The following CDK12 variants were observed in gnomAD, a reference collection of about 807,000 sequenced individuals.
The protein encoded by CDK12 is cyclin dependent kinase 12, also known as cyclin-dependent kinase 12.
A neutral mutation model predicts 133.8 loss-of-function variants in CDK12; 17 were observed. That is an observed-to-expected ratio of 0.13 (90% CI 0.09 to 0.19). The LOEUF (loss-of-function observed/expected upper bound fraction) is 0.19. Among genes scored for constraint, CDK12 ranks in the 10% least tolerant of loss-of-function variants. The pLI is 1.00. For missense variants in CDK12, 1,508 were observed against 1,818.7 expected (o/e 0.83, Z 3.11); for synonymous variants, 694 against 683.6 (o/e 1.02, Z -0.24).
intron 1 of CDK12, among the ~76,000 whole-genome samples, chr17:39,468,692 C>G (rs1375228231): frequency 6.6e-6 from 1 of 151,880 alleles, no homozygotes; most frequent in Non-Finnish European, 1.5e-5. Context: ...TCAGGCTGGT[C>G]TCGAACTCCC....
Position 39,532,102 on chromosome 17 carries a change from T to TTCTCTCTCTCTCTATCTCTC in CDK12, c.*799_*800insATCTCTCTCTCTCTCTCTCT, listed in dbSNP as rs1232452261. 3.0e-4 allele frequency: 66 copies of TTCTCTCTCTCTCTATCTCTC among 218,604 alleles called. No individual in the cohort carries two copies. The highest frequency in any genetic ancestry group is 1.4e-3 in the African/African-American group (53 of 38,518). The allele number at this position is 218,604 out of a possible 1,614,324, so 13.5% of individuals were successfully genotyped here. A position where few individuals can be genotyped will look rare whatever the true frequency, so the allele number is the denominator to read the frequency against. ...GCTGATGTGTGCTCTCTCTCTCTCT[T>TTCTCTCTCTCTCTATCTCTC]TCTCTCTCTCTCTCTCTCTCTCTCT... On this transcript the variant is annotated 3_prime_UTR_variant, in exon 14 of 14. Coordinates refer to ENST00000447079, the MANE Select transcript of CDK12 (RefSeq NM_016507.4).
At chr17:39,473,213 T>C (rs2049935043) in intron 2 of CDK12, among the ~76,000 whole-genome samples, 1 of 152,100 alleles carries the variant, frequency 6.6e-6, no homozygotes. Context: ...GCCGGGTTTG[T>C]TTTTTCTCTC....
Position 39,494,671 on chromosome 17 carries a change from C to T in CDK12, c.2396C>T (p.Ala799Val). The T allele has an allele frequency of 6.3e-7, 1 of 1,577,214 alleles. No homozygotes were observed. The highest frequency in any genetic ancestry group is 8.6e-7 in the Non-Finnish European group (1 of 1,161,208). Residue 799 changes from alanine (A) to valine (V), a missense_variant, in exon 5 of 14, where the codon GCA becomes GTA. Physicochemically the swap from Ala to Val is moderately conservative, Grantham distance 64. Around this residue, in one of 9 missense-constraint regions of CDK12, gnomAD observed 74 missense variants for 160.2 expected, o/e 0.46. Coordinates refer to ENST00000447079, the MANE Select transcript of CDK12 (RefSeq NM_016507.4). ...GAAATTGTCACAGATAAACAAGATG[C>T]ACTGGATTTCAAGAAGGACAAAGGT... ...MKEIVTDKQD[A>V]LDFKKDKGAF...
Position 39,526,327 on chromosome 17 carries a change from C to G in CDK12, c.3760+11C>G, listed in dbSNP as rs757424404. On this transcript the variant is annotated intron_variant, in intron 13 of 13. Coordinates refer to ENST00000447079, the MANE Select transcript of CDK12 (RefSeq NM_016507.4). ...AGGAGGAGGCAGCAGGTAAACAGAC[C>G]GGTCATGAATCTCATTGAGCTCAGG... 2.9e-5 allele frequency: 46 copies of G among 1,565,432 alleles called. No homozygotes were observed. The highest frequency in any genetic ancestry group is 1.3e-4 in the Admixed American group (7 of 52,136).
At chr17:39,525,562 C>G (rs901811405) in intron 12 of CDK12, among the ~76,000 whole-genome samples, 6 of 152,142 alleles carry the variant, frequency 3.9e-5, no homozygotes, top group African/African-American at 1.4e-4. Context: ...ATTTTTAAAT[C>G]TCTCTTAGTA....
At chr17:39,541,250 C>G (rs1354059171) in intron 1 of CDK12, among the ~76,000 whole-genome samples, 2 of 152,016 alleles carry the variant, frequency 1.3e-5, no homozygotes, top group African/African-American at 4.8e-5. Context: ...TATCATACTC[C>G]TTCCTGCCCC....
At chr17:39,463,236 GT>G in intron 1 of CDK12, 119 bp downstream of exon 1, 1 of 858,742 alleles carries the variant, frequency 1.2e-6, no homozygotes, top group South Asian at 1.7e-5. Context: ...ACACTTTGCT[GT>G]TGGCTAGTCA....
chr17:39,464,402 T>G (rs2049149477), intron 1 of CDK12, among the ~76,000 whole-genome samples: 1 of 67,654 alleles, frequency 1.5e-5, no homozygotes, highest in Non-Finnish European at 4.5e-5. Flanking sequence ...TTTTTTCTTT[T>G]TCTTTTTTTT....
upstream of CDK12, among the ~76,000 whole-genome samples, chr17:39,543,049 TGAAAA>T (rs1391898048): frequency 1.3e-5 from 2 of 152,122 alleles, no homozygotes; most frequent in Middle Eastern, 3.4e-3. Context: ...TTTGCTATAT[TGAAAA>T]GAAAAAGGGA....
intron 1 of CDK12, among the ~76,000 whole-genome samples, chr17:39,465,855 A>G (rs1303844017): frequency 6.6e-6 from 1 of 152,180 alleles, no homozygotes; most frequent in Admixed American, 6.6e-5. Context: ...TTGATAGAGT[A>G]GTTCATTAAG....
At chr17:39,528,395 G>A (rs1248814221) in intron 13 of CDK12, among the ~76,000 whole-genome samples, 1 of 151,946 alleles carries the variant, frequency 6.6e-6, no homozygotes, top group Non-Finnish European at 1.5e-5. Context: ...GTGCAGTGGC[G>A]TGATCTCAGC....
chr17:39,546,427 G>A (rs1352263425), upstream of CDK12, among the ~76,000 whole-genome samples: 2 of 151,780 alleles, frequency 1.3e-5, no homozygotes, highest in African/African-American at 4.8e-5. Flanking sequence ...CTCGTAATCC[G>A]CCTGCCTCGG....
chr17:39,486,343 C>T (rs1335377482), intron 2 of CDK12, among the ~76,000 whole-genome samples: 1 of 150,334 alleles, frequency 6.7e-6, no homozygotes, highest in Non-Finnish European at 1.5e-5. Context: ...CTCACTGCAA[C>T]CTTGGCCTCC....
intron 8 of CDK12, among the ~76,000 whole-genome samples, chr17:39,511,840 A>G (rs1031570684): frequency 4.6e-5 from 7 of 151,688 alleles, no homozygotes; most frequent in African/African-American, 1.7e-4. Flanking sequence ...TTTTTTGTTT[A>G]AACTTTGTTT....
At chr17:39,503,898 A>T (rs973746619) in intron 6 of CDK12, among the ~76,000 whole-genome samples, 3 of 152,196 alleles carry the variant, frequency 2.0e-5, no homozygotes, top group Admixed American at 6.6e-5. Flanking sequence ...TATATAGAAG[A>T]GAGACACAGT....
chr17:39,528,631 A>C (rs1216755716), intron 13 of CDK12, among the ~76,000 whole-genome samples: 1 of 152,190 alleles, frequency 6.6e-6, no homozygotes, highest in African/African-American at 2.4e-5. Context: ...CACCATGCCC[A>C]GCCTTTGCTA....
intron 2 of CDK12, among the ~76,000 whole-genome samples, chr17:39,476,560 C>T (rs543005288): frequency 4.0e-5 from 6 of 151,640 alleles, no homozygotes; most frequent in East Asian, 1.9e-4. Flanking sequence ...ATTGCAGGCA[C>T]CTGCCACCAT....
At chr17:39,518,942 C>T (rs1209308241) in intron 10 of CDK12, among the ~76,000 whole-genome samples, 1 of 152,164 alleles carries the variant, frequency 6.6e-6, no homozygotes, top group Non-Finnish European at 1.5e-5. Flanking sequence ...GCTCTTGTTG[C>T]CCAAGCCAGA....
intron 5 of CDK12, 63 bp downstream of exon 5, chr17:39,494,757 TTTTC>T (rs1397212434): frequency 1.2e-4 from 150 of 1,246,488 alleles, no homozygotes; most frequent in Middle Eastern, 7.5e-4. Flanking sequence ...TTCTTTTTTT[TTTTC>T]TTTCTTTCTT....
Sources: gnomAD v4.1 joint callset for allele counts (sites outside exome capture counted in the v4.1 genomes callset) on GRCh38, gnomAD v4.1.1 for gene constraint, gnomAD v4.1.1 regional missense constraint, MANE v1.5 for transcripts, NCBI Gene and HGNC (gene_info 2026-07-23, HGNC 2026-07-21) for gene names.